Variants in VDAC1 observed in about 807,000 individuals in gnomAD.
VDAC1 encodes voltage dependent anion channel 1.
Under a neutral mutation model 34.7 loss-of-function variants are expected in VDAC1, and 10 were observed. The observed-to-expected ratio is 0.29, with a 90% CI of 0.18 to 0.49. VDAC1 has a LOEUF of 0.49. VDAC1 is among the 20% of genes least tolerant of loss of function. VDAC1 has a pLI of 0.99. For synonymous variants in VDAC1, 130 were observed against 136.0 expected (o/e 0.96, Z 0.30); for missense variants, 230 against 347.9 (o/e 0.66, Z 2.69).
chr5:133,984,416 C>T lies in VDAC1; in HGVS notation c.324-3460G>A, dbSNP rs531496452. ...GACTATAGGCGCTCACCACAATGAC[C>T]AGCGTGTGTGTGTGTGTGTGTGTGT... On this transcript the variant is annotated intron_variant, in intron 5 of 8. Transcript: ENST00000265333. Among the ~76,000 whole-genome samples the T allele has an allele frequency of 1.0e-4, 11 of 109,902 alleles. No individual in the cohort carries two copies. The East Asian group carries it at 2.9e-3, about 29-fold the overall frequency. The allele number at this position is 109,902 out of a possible 152,430, so 72.1% of individuals were successfully genotyped here.
Position 133,999,942 on chromosome 5 carries a change from G to C in VDAC1, c.-7+4953C>G, listed in dbSNP as rs1002097183. ...CCATTCTAGGTGGTTTGTCAGGGCAGAACTAGGCCAGCCTATAGGAGGGGT... is the reference window on the plus strand; with the variant it reads ...CCATTCTAGGTGGTTTGTCAGGGCACAACTAGGCCAGCCTATAGGAGGGGT... On this transcript the variant is annotated intron_variant, in intron 1 of 8. Coordinates refer to ENST00000265333, the MANE Select transcript of VDAC1 (RefSeq NM_003374.3). 2.6e-5 allele frequency among the ~76,000 whole-genome samples: 4 copies of C among 152,072 alleles called. No homozygotes were observed. The East Asian group carries it at 7.7e-4, about 29-fold the overall frequency.
the VDAC1 span, among the ~76,000 whole-genome samples, chr5:134,060,862 TCTC>T: frequency 7.9e-6 from 1 of 127,274 alleles, no homozygotes; most frequent in East Asian, 2.3e-4. Context: ...TTGTTGCAGA[TCTC>T]CTCCTCTTCT....
At chr5:133,990,340 G>T (rs1386166720) in intron 5 of VDAC1, among the ~76,000 whole-genome samples, 1 of 152,182 alleles carries the variant, frequency 6.6e-6, no homozygotes, top group Non-Finnish European at 1.5e-5. Context: ...GTTAGGCCCT[G>T]CTTCCAAATG....
chr5:134,060,880 C>CTTTTTTTTTTTTTTTTTTT, the VDAC1 span, among the ~76,000 whole-genome samples: 27 of 98,668 alleles, frequency 2.7e-4, 1 homozygote, highest in African/African-American at 3.9e-4. Context: ...TCTTCTTCTT[C>CTTTTTTTTTTTTTTTTTTT]TTTTTTTTTT....
chr5:134,107,431 A>G, the VDAC1 span, among the ~76,000 whole-genome samples: 1 of 152,160 alleles, frequency 6.6e-6, no homozygotes, highest in Non-Finnish European at 1.5e-5. Context: ...TCCTCCCATT[A>G]GTCCTGTCTC....
At chr5:134,057,745 C>T in the VDAC1 span, among the ~76,000 whole-genome samples, 58 of 151,874 alleles carry the variant, frequency 3.8e-4, no homozygotes, top group East Asian at 0.011. Context: ...TGCCAAATGG[C>T]CCTTCAGAAC....
the VDAC1 span, among the ~76,000 whole-genome samples, chr5:134,111,473 G>A: frequency 6.6e-6 from 1 of 152,140 alleles, no homozygotes; most frequent in Admixed American, 6.5e-5. Flanking sequence ...GAACCCCAGT[G>A]TCTATCATCT....
the VDAC1 span, among the ~76,000 whole-genome samples, chr5:134,047,819 G>A: frequency 6.6e-6 from 1 of 152,244 alleles, no homozygotes; most frequent in African/African-American, 2.4e-5. Context: ...GATGTCGCGG[G>A]GCAGGTCCCA....
At chr5:134,042,204 G>A in the VDAC1 span, among the ~76,000 whole-genome samples, 1 of 152,112 alleles carries the variant, frequency 6.6e-6, no homozygotes. Context: ...CTGCCATGGT[G>A]GGCTCAGGGT....
chr5:134,022,420 T>C, the VDAC1 span, among the ~76,000 whole-genome samples: 1 of 152,240 alleles, frequency 6.6e-6, no homozygotes, highest in Non-Finnish European at 1.5e-5. Context: ...GAGGGCCTTC[T>C]TGTGTATCAT....
chr5:134,055,588 GTTTTTTT>G, the VDAC1 span, among the ~76,000 whole-genome samples: 515 of 59,568 alleles, frequency 8.6e-3, 9 homozygotes, highest in Middle Eastern at 0.016. Flanking sequence ...CCCCGCTAAT[GTTTTTTT>G]TTTTTTTTTT....
At position 133,991,126 on chromosome 5, in the gene VDAC1, G is replaced by C; in HGVS notation, c.146C>G (p.Thr49Ser). The C allele has an allele frequency of 6.2e-7, 1 of 1,612,952 alleles. No homozygotes were observed. Among genetic ancestry groups the C allele is most frequent in the East Asian group, 2.2e-5 (1 of 44,884 alleles). ...ACTGCCCGTCACTTTGGTGGTCTCAGTGTTGGCTGAGCCTGAGCTTGTAAA... is the reference window on the plus strand; with the variant it reads ...ACTGCCCGTCACTTTGGTGGTCTCACTGTTGGCTGAGCCTGAGCTTGTAAA... ...LEFTSSGSAN[T>S]ETTKVTGSLE... Residue 49 changes from threonine to serine, a missense_variant, in exon 4 of 9, where the codon ACT becomes AGT. Transcript: ENST00000265333.
chr5:134,010,002 A>G, the VDAC1 span, among the ~76,000 whole-genome samples: 2 of 152,232 alleles, frequency 1.3e-5, no homozygotes, highest in Non-Finnish European at 2.9e-5. Flanking sequence ...TTTAATGAGG[A>G]CATAATACCT....
intron 5 of VDAC1, among the ~76,000 whole-genome samples, chr5:133,983,399 T>C (rs1752775696): frequency 6.6e-6 from 1 of 152,034 alleles, no homozygotes; most frequent in East Asian, 1.9e-4. Flanking sequence ...TTACTTAAAA[T>C]AGTATGTGCG....
chr5:134,061,695 T>A, the VDAC1 span, among the ~76,000 whole-genome samples: 2 of 151,644 alleles, frequency 1.3e-5, no homozygotes, highest in Non-Finnish European at 2.9e-5. Flanking sequence ...ATGAAGACAA[T>A]CATGTCTTCT....
chr5:134,033,379 ATC>A, the VDAC1 span, among the ~76,000 whole-genome samples: 1 of 151,572 alleles, frequency 6.6e-6, no homozygotes, highest in Non-Finnish European at 1.5e-5. Flanking sequence ...GATGGTCTCG[ATC>A]TCCTAACCTC....
chr5:134,036,691 C>T, the VDAC1 span, among the ~76,000 whole-genome samples: 319 of 150,480 alleles, frequency 2.1e-3, 3 homozygotes, highest in Middle Eastern at 0.018. Flanking sequence ...TGGTGGCTCA[C>T]GCCTGTAGTC....
chr5:134,042,683 G>A, the VDAC1 span, among the ~76,000 whole-genome samples: 1 of 152,106 alleles, frequency 6.6e-6, no homozygotes, highest in African/African-American at 2.4e-5. Context: ...CGTAGAGATG[G>A]GGTTTCACCA....
chr5:134,102,036 T>A, the VDAC1 span, among the ~76,000 whole-genome samples: 2 of 152,344 alleles, frequency 1.3e-5, no homozygotes, highest in Middle Eastern at 6.8e-3. Context: ...CCTCCACTAT[T>A]CAGCGGCAGC....
Sources: gnomAD v4.1 joint callset for allele counts (sites outside exome capture counted in the v4.1 genomes callset) on GRCh38, gnomAD v4.1.1 for gene constraint, MANE v1.5 for transcripts, NCBI Gene and HGNC (gene_info 2026-07-23, HGNC 2026-07-21) for gene names.